The following POU6F2 variants were observed in gnomAD, a reference collection of about 807,000 sequenced individuals.
The protein encoded by POU6F2 is POU class 6 homeobox 2.
POU6F2 carries 31 observed loss-of-function variants against 71.3 expected under a neutral mutation model. The ratio of observed to expected loss-of-function variants is 0.43; its 90% confidence interval spans 0.33 to 0.59. The LOEUF is 0.59. POU6F2 is among the 20% of genes least tolerant of loss of function. The pLI is 0.04. For synonymous variants in POU6F2, 347 were observed against 355.7 expected (o/e 0.98, Z 0.27); for missense variants, 783 against 856.8 (o/e 0.91, Z 1.07).
chr7:39,418,713 GA>G (rs1219188307), intron 6 of POU6F2, among the ~76,000 whole-genome samples: 2 of 150,136 alleles, frequency 1.3e-5, no homozygotes, highest in African/African-American at 4.9e-5. Context: ...GAAAAAGAAA[GA>G]AAAGTTAACC....
At chr7:39,432,607 G>A (rs924536238) in intron 6 of POU6F2, among the ~76,000 whole-genome samples, 2 of 152,082 alleles carry the variant, frequency 1.3e-5, no homozygotes, top group Admixed American at 6.5e-5. Flanking sequence ...TGAGAGAGGA[G>A]CTGGATGTTG....
chr7:39,247,477 G>GAAGA (rs886660898), intron 4 of POU6F2, among the ~76,000 whole-genome samples: 9 of 144,660 alleles, frequency 6.2e-5, no homozygotes, highest in Non-Finnish European at 1.2e-4. Flanking sequence ...AAGAGAGAAA[G>GAAGA]AAGAAAGAAA....
chr7:39,256,878 C>T (rs73380930), intron 4 of POU6F2, among the ~76,000 whole-genome samples: 3,791 of 152,150 alleles, frequency 0.025, 94 homozygotes, highest in African/African-American at 0.066. Flanking sequence ...ATAGCCCAGC[C>T]GACACTTGAT....
intron 1 of POU6F2, among the ~76,000 whole-genome samples, chr7:39,009,837 A>G (rs1789212273): frequency 1.3e-5 from 2 of 150,248 alleles, no homozygotes; most frequent in South Asian, 4.3e-4. Context: ...ATTGATTTGC[A>G]TATATTGAAC....
chr7:39,390,096 A>G (rs996509020), intron 5 of POU6F2, among the ~76,000 whole-genome samples: 4 of 152,186 alleles, frequency 2.6e-5, no homozygotes, highest in Admixed American at 6.5e-5. Flanking sequence ...ATGCTCACTT[A>G]GTGATATTTC....
intron 4 of POU6F2, among the ~76,000 whole-genome samples, chr7:39,322,247 G>A (rs1281534497): frequency 1.3e-5 from 2 of 152,184 alleles, no homozygotes; most frequent in African/African-American, 4.8e-5. Flanking sequence ...AGAGAAGTGA[G>A]TAACTGACCC....
chr7:39,332,527 C>T (rs1293193235), intron 4 of POU6F2, among the ~76,000 whole-genome samples: 1 of 151,620 alleles, frequency 6.6e-6, no homozygotes, highest in African/African-American at 2.4e-5. Flanking sequence ...CAAAATGGGC[C>T]TTCGTCTGCT....
intron 5 of POU6F2, among the ~76,000 whole-genome samples, chr7:39,360,117 G>A (rs936593970): frequency 1.3e-5 from 2 of 152,190 alleles, no homozygotes; most frequent in African/African-American, 4.8e-5. Flanking sequence ...TTGCAGTGAA[G>A]TATTCAGGTA....
Position 39,093,276 on chromosome 7 carries a change from A to G in POU6F2, c.277+7245A>G, listed in dbSNP as rs556677694. 2.6e-5 allele frequency among the ~76,000 whole-genome samples: 4 copies of G among 152,238 alleles called. No homozygotes were observed. In the South Asian group the frequency reaches 8.3e-4, roughly 32 times the overall value. On this transcript the variant is annotated intron_variant, in intron 2 of 9. Transcript: ENST00000518318. ...GATCAGATTATAATTAGAGAAACTA[A>G]GTAATATAATTATACATGAACTAAA...
chr7:39,191,899 T>A (rs1793677938), intron 2 of POU6F2, among the ~76,000 whole-genome samples: 1 of 152,166 alleles, frequency 6.6e-6, no homozygotes, highest in African/African-American at 2.4e-5. Context: ...GTTTGGCTGG[T>A]TGGTTTTTTA....
chr7:39,448,182 T>C (rs1788568933), intron 7 of POU6F2, among the ~76,000 whole-genome samples: 1 of 152,210 alleles, frequency 6.6e-6, no homozygotes, highest in South Asian at 2.1e-4. Context: ...TGAAGTCCTG[T>C]TTTTCTAAGG....
intron 7 of POU6F2, among the ~76,000 whole-genome samples, chr7:39,436,285 C>G (rs10237961): frequency 6.6e-6 from 1 of 151,830 alleles, no homozygotes; most frequent in South Asian, 2.1e-4. Flanking sequence ...TGTTTGTGTC[C>G]TCTCTTATTT....
In POU6F2 at chr7:39,015,347, AATAG is replaced by A. The variant is rs1322654082; in HGVS notation, c.105+37293_105+37296del. Among the ~76,000 whole-genome samples, 782 of 134,756 alleles carry A rather than the reference AATAG, an allele frequency of 5.8e-3. 6 individuals are homozygous for A. Among genetic ancestry groups the A allele is most frequent in the African/African-American group, 0.02 (739 of 36,416 alleles). The allele number at this position is 134,756 out of a possible 152,430, so 88.4% of individuals were successfully genotyped here. A position where few individuals can be genotyped will look rare whatever the true frequency, so the allele number is the denominator to read the frequency against. On this transcript the variant is annotated intron_variant, in intron 1 of 9. Transcript: ENST00000518318. ...TATAATATATATTATAATATATAAT[AATAG>A]ATATATATTATATAATATATTATGT...
chr7:39,358,648 T>C (rs1266200585), intron 5 of POU6F2, among the ~76,000 whole-genome samples: 1 of 152,110 alleles, frequency 6.6e-6, no homozygotes, highest in Non-Finnish European at 1.5e-5. Context: ...CACAAACAAA[T>C]GGTTAATGGG....
intron 2 of POU6F2, among the ~76,000 whole-genome samples, chr7:39,128,066 C>T (rs538059928): frequency 6.6e-6 from 1 of 151,934 alleles, no homozygotes; most frequent in East Asian, 1.9e-4. Flanking sequence ...TGGTCTCGAT[C>T]CCCTGACCTC....
chr7:39,453,556 CAT>C (rs1431494234), intron 8 of POU6F2, among the ~76,000 whole-genome samples: 20 of 152,292 alleles, frequency 1.3e-4, no homozygotes, highest in South Asian at 8.3e-4. Context: ...AAATAGTTAA[CAT>C]GTGTAAGATG....
At chr7:39,277,531 AAGTATTATTG>A (rs1784470569) in intron 4 of POU6F2, among the ~76,000 whole-genome samples, 5 of 152,200 alleles carry the variant, frequency 3.3e-5, no homozygotes, top group Admixed American at 3.3e-4. Context: ...CGCAAAAAGC[AAGTATTATTG>A]AGTCTCCAAG....
intron 2 of POU6F2, among the ~76,000 whole-genome samples, chr7:39,201,974 A>T (rs1475387633): frequency 6.6e-6 from 1 of 152,152 alleles, no homozygotes; most frequent in African/African-American, 2.4e-5. Context: ...TTACTTTTGG[A>T]TCCAGGCAGG....
At chr7:39,148,474 A>C (rs1226236326) in intron 2 of POU6F2, among the ~76,000 whole-genome samples, 1 of 151,970 alleles carries the variant, frequency 6.6e-6, no homozygotes, top group East Asian at 1.9e-4. Flanking sequence ...CTGATTTTGG[A>C]TATCCTCCCC....
Sources: allele counts gnomAD v4.1 joint callset (sites outside exome capture counted in the v4.1 genomes callset), GRCh38; gene constraint gnomAD v4.1.1; transcripts MANE v1.5; gene names NCBI Gene and HGNC (gene_info 2026-07-23, HGNC 2026-07-21).